Variants in OASL observed in about 807,000 individuals in gnomAD.
OASL encodes 2'-5'-oligoadenylate synthetase like.
Under a neutral mutation model 35.3 loss-of-function variants are expected in OASL, and 28 were observed. The ratio of observed to expected loss-of-function variants is 0.79; its 90% CI spans 0.59 to 1.09. OASL has a LOEUF of 1.09. Ranked by LOEUF, OASL falls within the 50% of genes least tolerant of loss-of-function variation. The pLI is 0.00. For missense variants in OASL, 620 were observed against 635.2 expected (o/e 0.98, Z 0.26); for synonymous variants, 252 against 254.6 (o/e 0.99, Z 0.10).
intron 4 of OASL, 132 bp downstream of exon 4, chr12:121,027,444 G>A: frequency 7.5e-7 from 1 of 1,337,370 alleles, no homozygotes; most frequent in Non-Finnish European, 1.0e-6. Flanking sequence ...TGTTGGTGTG[G>A]GAGGTCGATG....
rs755393279 is a variant in OASL, at chr12:121,024,109, TGG to T, written c.926_927del (p.Pro309HisfsTer28). 11 of 1,613,714 alleles carry T rather than the reference TGG, an allele frequency of 6.8e-6. No individual in the cohort carries two copies. In the East Asian group the frequency reaches 2.5e-4, roughly 36 times the overall value. On this transcript the variant is annotated frameshift_variant, in exon 5 of 6. Coordinates refer to ENST00000257570, the Ensembl canonical transcript of OASL. LOFTEE classifies it high-confidence loss of function. ...CTGTACCCTTCTGCCACGTTGAGGG[TGG>T]GGTCGGCCGGATCCAGGATGATGGG...
chr12:121,029,903 A>T (rs1304929296), intron 3 of OASL, among the ~76,000 whole-genome samples: 1 of 152,124 alleles, frequency 6.6e-6, no homozygotes, highest in Non-Finnish European at 1.5e-5. Context: ...AATCTGTAAG[A>T]TGTAAGCCTT....
chr12:121,028,580 G>A (rs1334759924), intron 3 of OASL, among the ~76,000 whole-genome samples: 1 of 152,000 alleles, frequency 6.6e-6, no homozygotes, highest in Admixed American at 6.6e-5. Flanking sequence ...GAATTCCAGA[G>A]AAACAGAGCC....
chr12:121,023,655 C>A (rs1416371097), intron 5 of OASL: 3 of 218,044 alleles, frequency 1.4e-5, no homozygotes, highest in Non-Finnish European at 9.4e-6. Context: ...CCTACCCCAT[C>A]CCTGAGAACA....
intron 1 of OASL, among the ~76,000 whole-genome samples, chr12:121,038,059 C>T (rs1870023638): frequency 6.6e-6 from 1 of 151,336 alleles, no homozygotes; most frequent in Admixed American, 6.6e-5. Flanking sequence ...TGCACTCCAG[C>T]CTGGGTGACA....
intron 4 of OASL, among the ~76,000 whole-genome samples, chr12:121,027,152 C>G (rs974127521): frequency 1.3e-5 from 2 of 152,192 alleles, no homozygotes; most frequent in South Asian, 2.1e-4. Context: ...TTCTCCAACC[C>G]TTACATCAAT....
At chr12:121,031,228 TTC>T (rs1869715653) in intron 3 of OASL, among the ~76,000 whole-genome samples, 1 of 152,122 alleles carries the variant, frequency 6.6e-6, no homozygotes, top group Non-Finnish European at 1.5e-5. Context: ...TTCTCCTTCC[TTC>T]TCTGTTTCTT....
At chr12:121,031,736 C>G in intron 2 of OASL, 119 bp from the exon 3 acceptor site, 3 of 752,078 alleles carry the variant, frequency 4.0e-6, no homozygotes, top group Non-Finnish European at 6.4e-6. Flanking sequence ...ACACTTGAGA[C>G]CTCATATCTT....
In OASL at chr12:121,033,721, G is replaced by A. The variant is rs752473513; in HGVS notation, c.221C>T (p.Thr74Met). The change falls in exon 2 of 6, where the codon ACG (threonine) becomes ATG (methionine). Residue 74 changes from threonine to methionine, a missense_variant. Coordinates refer to ENST00000257570, the Ensembl canonical transcript of OASL. ...CACCTCTCTGGTGCTCCTGAGAACCGTGCCATTCCCGAAGGAGCCCACCTG... is the reference window on the plus strand; with the variant it reads ...CACCTCTCTGGTGCTCCTGAGAACCATGCCATTCCCGAAGGAGCCCACCTG... 3.7e-6 allele frequency: 6 copies of A among 1,613,312 alleles called. No homozygotes were observed. The African/African-American group carries it at 4.0e-5, about 11-fold the overall frequency.
rs1372688308 is a variant in OASL, at chr12:121,027,796, T to TG, written c.678dup (p.Arg227GlnfsTer11). The TG allele has an allele frequency of 1.8e-5, 29 of 1,613,860 alleles. 2 individuals carry two copies. The Middle Eastern group carries it at 6.6e-4, about 37-fold the overall frequency. ...GCATAGAGAGGGGGCAGATTGGCTC[T>TG]GGGGGACCTGGCTTTCACATACTGT... is the stretch of plus-strand genomic sequence containing the variant. On this transcript the variant is annotated frameshift_variant, in exon 4 of 6. Transcript: ENST00000257570. LOFTEE classifies it high-confidence loss of function.
chr12:121,039,064 C>A lies in OASL; in HGVS notation c.-93G>T. 9.9e-7 allele frequency: 1 copy of A among 1,009,180 alleles called. No individual in the cohort carries two copies. Among genetic ancestry groups the A allele is most frequent in the South Asian group, 1.4e-5 (1 of 70,112 alleles). The allele number at this position is 1,009,180 out of a possible 1,614,324, so 62.5% of individuals were successfully genotyped here. On this transcript the variant is annotated 5_prime_UTR_variant, in exon 1 of 6. The change creates a new upstream start codon in the 5' untranslated region. Coordinates refer to ENST00000257570, the Ensembl canonical transcript of OASL. The stretch of plus-strand genomic sequence containing the variant: ...ACCTCCTTTTTTAAGGTAGCTCCTC[C>A]TCAGCTGCCCTCCAGTGCTCTGTGG...
At chr12:121,033,869 C>A (rs1180150638) in intron 1 of OASL, 126 bp from the exon 2 acceptor site, 2 of 916,576 alleles carry the variant, frequency 2.2e-6, no homozygotes, top group African/African-American at 1.7e-5. Flanking sequence ...GTGGGTAGTA[C>A]TAATACCCAC....
chr12:121,024,112 G>A, exon 5 of OASL: 1 of 1,614,088 alleles, frequency 6.2e-7, no homozygotes, highest in South Asian at 1.1e-5. Context: ...TTGAGGGTGG[G>A]GTCGGCCGGA....
intron 3 of OASL, among the ~76,000 whole-genome samples, chr12:121,030,411 A>G (rs1378698630): frequency 6.6e-6 from 1 of 151,986 alleles, no homozygotes; most frequent in East Asian, 1.9e-4. Context: ...TCACTGTGTT[A>G]GCCAGGATGG....
intron 5 of OASL, among the ~76,000 whole-genome samples, chr12:121,022,778 A>G (rs1869300366): frequency 6.6e-6 from 1 of 152,038 alleles, no homozygotes; most frequent in Non-Finnish European, 1.5e-5. Context: ...CCCGGCCTTT[A>G]GGGCTCATTT....
At chr12:121,025,938 C>T (rs139914540) in intron 4 of OASL, among the ~76,000 whole-genome samples, 107 of 152,220 alleles carry the variant, frequency 7.0e-4, no homozygotes, top group African/African-American at 2.2e-3. Context: ...CTAAAACAGT[C>T]CTGCCTGAAA....
chr12:121,026,562 T>C (rs1293488709), intron 4 of OASL, among the ~76,000 whole-genome samples: 1 of 152,168 alleles, frequency 6.6e-6, no homozygotes, highest in South Asian at 2.1e-4. Flanking sequence ...GGAAAGAGTA[T>C]GGAATGGGGC....
At chr12:121,028,549 T>C (rs1869585957) in intron 3 of OASL, among the ~76,000 whole-genome samples, 1 of 151,798 alleles carries the variant, frequency 6.6e-6, no homozygotes, top group African/African-American at 2.4e-5. Flanking sequence ...AGCTGACATA[T>C]AGAGGAATGA....
At chr12:121,034,152 A>G (rs1376526916) in intron 1 of OASL, among the ~76,000 whole-genome samples, 1 of 150,306 alleles carries the variant, frequency 6.7e-6, no homozygotes, top group Non-Finnish European at 1.5e-5. Context: ...CTCATTAGTC[A>G]TTTGTCTCAG....
Sources: allele counts gnomAD v4.1 joint callset (sites outside exome capture counted in the v4.1 genomes callset), GRCh38; gene constraint gnomAD v4.1.1; transcripts MANE v1.5; gene names NCBI Gene and HGNC (gene_info 2026-07-23, HGNC 2026-07-21).